Variants in CCDC93 observed in about 807,000 individuals in gnomAD.
CCDC93 encodes the protein CCC complex scaffolding subunit CCDC93, also known as coiled-coil domain-containing protein 93.
CCDC93 carries 61 observed loss-of-function variants against 108.2 expected under a neutral mutation model. That is an observed-to-expected ratio of 0.56 (90% CI 0.46 to 0.70). The LOEUF is 0.70. Ranked by LOEUF, CCDC93 falls within the 30% of genes least tolerant of loss-of-function variation. The pLI, the probability that CCDC93 is intolerant of heterozygous loss-of-function variation, is 0.00. For missense variants in CCDC93, 685 were observed against 764.2 expected (o/e 0.90, Z 1.22); for synonymous variants, 276 against 260.4 (o/e 1.06, Z -0.58).
intron 7 of CCDC93, 105 bp downstream of exon 7, chr2:117,985,864 G>C: frequency 1.5e-6 from 1 of 664,362 alleles, no homozygotes; most frequent in Non-Finnish European, 2.6e-6. Flanking sequence ...CATGGCTGAA[G>C]GCAGAAACTC....
At chr2:117,943,683 C>G (rs1678776600) in intron 18 of CCDC93, among the ~76,000 whole-genome samples, 1 of 152,232 alleles carries the variant, frequency 6.6e-6, no homozygotes, top group Non-Finnish European at 1.5e-5. Flanking sequence ...ATTTTGAAAC[C>G]TATCTCCCCC....
rs1677810615 is a variant in CCDC93, at chr2:117,920,122, GA to G, written c.*220del. ...CAAGTACTCCCTATATTCTTCATAGGATGATGGGTGTTATCCAAGCCACGTG... is the reference window on the plus strand; with the variant it reads ...CAAGTACTCCCTATATTCTTCATAGGTGATGGGTGTTATCCAAGCCACGTG... On this transcript the variant is annotated 3_prime_UTR_variant, in exon 24 of 24. Coordinates refer to ENST00000376300, the MANE Select transcript of CCDC93 (RefSeq NM_019044.5). The G allele has an allele frequency of 2.2e-6, 1 of 458,286 alleles. No homozygotes were observed. The highest frequency in any genetic ancestry group is 4.0e-6 in the Non-Finnish European group (1 of 253,010). The allele number at this position is 458,286 out of a possible 1,614,324, so 28.4% of individuals were successfully genotyped here.
At chr2:117,929,915 G>A (rs1678269515) in intron 23 of CCDC93, among the ~76,000 whole-genome samples, 1 of 152,182 alleles carries the variant, frequency 6.6e-6, no homozygotes, top group African/African-American at 2.4e-5. Flanking sequence ...GCAAAGTCTG[G>A]AATTGTTACT....
intron 23 of CCDC93, among the ~76,000 whole-genome samples, chr2:117,929,152 C>T (rs1408880467): frequency 6.6e-6 from 1 of 152,072 alleles, no homozygotes; most frequent in East Asian, 1.9e-4. Context: ...GAAGATATAC[C>T]TAATGTTAAA....
intron 23 of CCDC93, among the ~76,000 whole-genome samples, chr2:117,924,607 C>A (rs1678010944): frequency 6.6e-6 from 1 of 152,200 alleles, no homozygotes; most frequent in Non-Finnish European, 1.5e-5. Context: ...TGACCAAAGT[C>A]TCCAAGAAAT....
At chr2:117,966,289 T>C (rs190533131) in intron 11 of CCDC93, among the ~76,000 whole-genome samples, 22 of 152,278 alleles carry the variant, frequency 1.4e-4, no homozygotes, top group African/African-American at 5.3e-4. Context: ...GGACAGTCCT[T>C]CCTTAGGATT....
chr2:117,974,505 C>T (rs1472579230), intron 10 of CCDC93, among the ~76,000 whole-genome samples: 1 of 152,160 alleles, frequency 6.6e-6, no homozygotes, highest in Non-Finnish European at 1.5e-5. Flanking sequence ...CTCAAAATCC[C>T]GCTTCCTACC....
chr2:117,952,992 A>C (rs1355231449), intron 12 of CCDC93, among the ~76,000 whole-genome samples: 3 of 152,236 alleles, frequency 2.0e-5, no homozygotes, highest in Admixed American at 2.0e-4. Flanking sequence ...ACATAACTGT[A>C]AACTCACATC....
intron 12 of CCDC93, among the ~76,000 whole-genome samples, chr2:117,955,135 C>T (rs1439754702): frequency 3.3e-5 from 5 of 152,010 alleles, no homozygotes; most frequent in African/African-American, 9.7e-5. Flanking sequence ...GGATGTTGTG[C>T]GAACTGAGTC....
chr2:118,013,864 C>A (rs1195190404), intron 1 of CCDC93, 90 bp downstream of exon 1: 1 of 1,190,082 alleles, frequency 8.4e-7, no homozygotes, highest in East Asian at 2.8e-5. Context: ...GCGCCCCTAA[C>A]GCACCCAGGG....
intron 12 of CCDC93, among the ~76,000 whole-genome samples, chr2:117,957,467 G>C (rs1377755949): frequency 6.6e-6 from 1 of 152,148 alleles, no homozygotes; most frequent in Non-Finnish European, 1.5e-5. Flanking sequence ...TCCACGTCTA[G>C]ACTATTGCAT....
chr2:118,000,896 C>T lies in CCDC93; in HGVS notation c.288G>A (p.Arg96=), dbSNP rs998601126. 6 of 1,613,796 alleles carry T rather than the reference C, an allele frequency of 3.7e-6. No individual in the cohort carries two copies. The highest frequency in any genetic ancestry group is 4.2e-6 in the Non-Finnish European group (5 of 1,179,786). ...GCTCCAGCTGGTGTGGGCATTTCATCCTTGGCAGGACCGAGACAATTTTTT... is the reference window on the plus strand; with the variant it reads ...GCTCCAGCTGGTGTGGGCATTTCATTCTTGGCAGGACCGAGACAATTTTTT... ...LSEKIVSVLP[R]MKCPHQLEPH... is the part of the protein sequence containing the mutation. The change falls in exon 4 of 24, where the codon AGG becomes AGA. Residue 96 remains arginine, a synonymous_variant. Transcript: ENST00000376300.
rs574422936 is a variant in CCDC93 at position 117,929,081 on chromosome 2, A to T, written c.1842+1956T>A. On this transcript the variant is annotated intron_variant, in intron 23 of 23. Transcript: ENST00000376300. ...ACAATGAAAACACATGGACACAGGAAGGGGAACATCACACACCAGGGCCTG... is the reference window on the plus strand; with the variant it reads ...ACAATGAAAACACATGGACACAGGATGGGGAACATCACACACCAGGGCCTG... Among the ~76,000 whole-genome samples the T allele has an allele frequency of 4.5e-5, 6 of 131,982 alleles. No homozygotes were observed. In the South Asian group the frequency reaches 1.6e-3, roughly 35 times the overall value. 86.6% of individuals were successfully genotyped at this position (131,982 alleles called of 152,430 possible). A position where few individuals can be genotyped will look rare whatever the true frequency, so the allele number is the denominator to read the frequency against.
In CCDC93 at chr2:117,920,448, T is replaced by C. The variant is rs760663360; in HGVS notation, c.1843-52A>G. The C allele has an allele frequency of 2.3e-5, 30 of 1,322,920 alleles. No individual in the cohort carries two copies. In the East Asian group the frequency reaches 6.5e-4, roughly 29 times the overall value. 81.9% of individuals were successfully genotyped at this position (1,322,920 alleles called of 1,614,324 possible). On this transcript the variant is annotated intron_variant, in intron 23 of 23. Coordinates refer to ENST00000376300, the MANE Select transcript of CCDC93 (RefSeq NM_019044.5). ...AGAGTGGTGACTACATTAGCACCCATGTGAGGCCAAGATGGTCTCAAAGCC... is the reference window on the plus strand; with the variant it reads ...AGAGTGGTGACTACATTAGCACCCACGTGAGGCCAAGATGGTCTCAAAGCC...
intron 1 of CCDC93, chr2:118,008,898 A>T: frequency 4.1e-6 from 2 of 484,410 alleles, no homozygotes; most frequent in Non-Finnish European, 7.4e-6. Flanking sequence ...AGGGAGACAC[A>T]TGCCCAAGTA....
chr2:118,006,005 A>AC (rs1676856510), intron 3 of CCDC93, among the ~76,000 whole-genome samples: 1 of 151,992 alleles, frequency 6.6e-6, no homozygotes, highest in African/African-American at 2.4e-5. Flanking sequence ...TGGCAGTCTT[A>AC]CCCCAACTCT....
intron 11 of CCDC93, among the ~76,000 whole-genome samples, chr2:117,959,943 G>A (rs1679334661): frequency 6.6e-6 from 1 of 152,118 alleles, no homozygotes; most frequent in Non-Finnish European, 1.5e-5. Context: ...TTAAAAAAGG[G>A]TGGTGGAAGA....
chr2:117,933,585 C>T (rs988519263), intron 22 of CCDC93, among the ~76,000 whole-genome samples: 3 of 152,216 alleles, frequency 2.0e-5, no homozygotes, highest in Non-Finnish European at 2.9e-5. Context: ...TGTTACCCAG[C>T]GCTGGTCTAC....
Position 117,919,368 on chromosome 2 carries a change from C to CTA in CCDC93, c.*974_*975insTA, listed in dbSNP as rs1371968193. On this transcript the variant is annotated 3_prime_UTR_variant, in exon 24 of 24. Transcript: ENST00000376300. ...TCTTCCTATCAACATCCGATTCTCC[C>CTA]TTTAGATAGGGCTCAAATGCTGCCT... The CTA allele has an allele frequency of 6.6e-6, 1 of 152,260 alleles. No individual in the cohort carries two copies. The highest frequency in any genetic ancestry group is 6.5e-5 in the Admixed American group (1 of 15,284). 9.4% of individuals were successfully genotyped at this position (152,260 alleles called of 1,614,324 possible). A position where few individuals can be genotyped will look rare whatever the true frequency, so the allele number is the denominator to read the frequency against.
Sources: gnomAD v4.1 joint callset for allele counts (sites outside exome capture counted in the v4.1 genomes callset) on GRCh38, gnomAD v4.1.1 for gene constraint, MANE v1.5 for transcripts, NCBI Gene and HGNC (gene_info 2026-07-23, HGNC 2026-07-21) for gene names.